MCOLN3: variants seen among roughly 807,000 people sequenced by gnomAD.
The protein encoded by MCOLN3 is mucolipin TRP cation channel 3, also known as mucolipin-3.
A neutral mutation model predicts 69.4 loss-of-function variants in MCOLN3; 62 were observed. The observed-to-expected ratio is 0.89, with a 90% CI of 0.73 to 1.10. MCOLN3 has a LOEUF of 1.10. MCOLN3 is among the 50% of genes least tolerant of loss of function. The pLI, the probability that MCOLN3 is intolerant of heterozygous loss-of-function variation, is 0.00. For synonymous variants in MCOLN3, 183 were observed against 217.0 expected, an observed-to-expected ratio of 0.84 and a Z score of 1.38; for missense variants, 564 against 656.4, an observed-to-expected ratio of 0.86 and a Z score of 1.54.
At chr1:85,044,744 G>A (rs1571129009) in intron 2 of MCOLN3, among the ~76,000 whole-genome samples, 2 of 152,118 alleles carry the variant, frequency 1.3e-5, no homozygotes, top group African/African-American at 2.4e-5. Context: ...AACCCTTTAA[G>A]TTTCTGAAGA....
At chr1:85,031,678 C>T (rs1329813117) in intron 6 of MCOLN3, among the ~76,000 whole-genome samples, 1 of 152,110 alleles carries the variant, frequency 6.6e-6, no homozygotes, top group Non-Finnish European at 1.5e-5. Flanking sequence ...AAACTGGGAG[C>T]TACACACAGA....
intron 9 of MCOLN3, among the ~76,000 whole-genome samples, chr1:85,024,138 AAT>A (rs1015560506): frequency 4.6e-5 from 7 of 152,058 alleles, no homozygotes; most frequent in Admixed American, 6.6e-5. Flanking sequence ...CAGCCTGGGC[AAT>A]AGAGTGAAAT....
intron 2 of MCOLN3, 55 bp from the exon 3 acceptor site, chr1:85,041,232 A>T: frequency 6.7e-7 from 1 of 1,485,274 alleles, no homozygotes; most frequent in Non-Finnish European, 9.2e-7. Flanking sequence ...CAGAAAAAGC[A>T]GAGCAGAAGG....
chr1:85,028,268 C>A (rs1409081068), intron 7 of MCOLN3, among the ~76,000 whole-genome samples: 2 of 152,136 alleles, frequency 1.3e-5, no homozygotes, highest in Admixed American at 1.3e-4. Flanking sequence ...CTGAACTTGG[C>A]AAATCAATTA....
intron 3 of MCOLN3, among the ~76,000 whole-genome samples, chr1:85,039,298 AGGT>A (rs1485042307): frequency 6.6e-6 from 1 of 152,188 alleles, no homozygotes; most frequent in East Asian, 1.9e-4. Context: ...TAGTCTTAAG[AGGT>A]GGAGTCTTTA....
chr1:85,021,169 C>T lies in MCOLN3; in HGVS notation c.1428G>A (p.Leu476=), dbSNP rs1651912370. ...ATGAGTAGAGGTAAATTCTACTAAA[C>T]AGCCAGACTAAGTAACTTTTTTGCT... ...KMQQKSYLVW[L]FSRIYLYSFI... is the part of the protein sequence containing the mutation. Residue 476 remains leucine, a synonymous_variant, in exon 12 of 13, where the codon CTG becomes CTA. Coordinates refer to ENST00000370589, the MANE Select transcript of MCOLN3 (RefSeq NM_018298.11). The T allele has an allele frequency of 1.9e-6, 3 of 1,613,380 alleles. No homozygotes were observed. The highest frequency in any genetic ancestry group is 1.1e-5 in the South Asian group (1 of 91,046).
intron 12 of MCOLN3, among the ~76,000 whole-genome samples, chr1:85,019,994 C>T (rs776650942): frequency 2.0e-5 from 3 of 152,168 alleles, no homozygotes; most frequent in African/African-American, 4.8e-5. Context: ...GTCTAAAATA[C>T]GAGTTTCAGG....
chr1:85,031,831 G>A (rs1048995002), intron 6 of MCOLN3, among the ~76,000 whole-genome samples: 3 of 152,132 alleles, frequency 2.0e-5, no homozygotes, highest in Non-Finnish European at 4.4e-5. Flanking sequence ...CCAGCACTTC[G>A]GGAGGCTGAG....
chr1:85,032,534 T>C (rs1652589143), intron 6 of MCOLN3, among the ~76,000 whole-genome samples, 162 bp downstream of exon 6: 1 of 152,236 alleles, frequency 6.6e-6, no homozygotes, highest in South Asian at 2.1e-4. Context: ...AACTTGTTAT[T>C]ATAGCAAAAT....
chr1:85,045,620 T>C (rs1653311265), intron 1 of MCOLN3, among the ~76,000 whole-genome samples: 1 of 152,162 alleles, frequency 6.6e-6, no homozygotes, highest in African/African-American at 2.4e-5. Context: ...CTCCCATTAG[T>C]AAAAGATTAT....
intron 1 of MCOLN3, chr1:85,047,221 A>C (rs1358437731): frequency 6.6e-6 from 1 of 152,286 alleles, no homozygotes; most frequent in East Asian, 1.9e-4. Context: ...CCACAGGAAC[A>C]AAGAGAAAAC....
At position 85,019,080 on chromosome 1, in the gene MCOLN3, C is replaced by A; in HGVS notation, c.*43G>T. On this transcript the variant is annotated 3_prime_UTR_variant, in exon 13 of 13. Coordinates refer to ENST00000370589, the MANE Select transcript of MCOLN3 (RefSeq NM_018298.11). ...GAATATCCACAGTGTTCCAACTCAG[C>A]TACACATTATATTTTCCTCTAAAGT... 1 of 1,588,046 alleles carries A rather than the reference C, an allele frequency of 6.3e-7. No individual in the cohort carries two copies. The highest frequency in any genetic ancestry group is 8.6e-7 in the Non-Finnish European group (1 of 1,161,162).
intron 7 of MCOLN3, 121 bp from the exon 8 acceptor site, chr1:85,026,405 G>T: frequency 1.4e-6 from 1 of 696,728 alleles, no homozygotes; most frequent in South Asian, 1.9e-5. Flanking sequence ...AAGAAGCCCT[G>T]ATAAACGGTC....
chr1:85,021,194 T>C lies in MCOLN3; in HGVS notation c.1403A>G (p.Gln468Arg). 1 of 1,613,934 alleles carries C rather than the reference T, an allele frequency of 6.2e-7. No individual in the cohort carries two copies. The highest frequency in any genetic ancestry group is 8.5e-7 in the Non-Finnish European group (1 of 1,179,898). ...CAGCCAGACTAAGTAACTTTTTTGCTGCATTTTTGCAAACGTGGCAAACAT... is the reference window on the plus strand; with the variant it reads ...CAGCCAGACTAAGTAACTTTTTTGCCGCATTTTTGCAAACGTGGCAAACAT... ...DDMFATFAKM[Q>R]QKSYLVWLFS... The change falls in exon 12 of 13, where the codon CAG becomes CGG. Residue 468 changes from glutamine to arginine, a missense_variant. Transcript: ENST00000370589.
chr1:85,028,534 T>C (rs1652339744), intron 7 of MCOLN3, among the ~76,000 whole-genome samples: 1 of 152,222 alleles, frequency 6.6e-6, no homozygotes, highest in Non-Finnish European at 1.5e-5. Context: ...GGCAATTCTC[T>C]CCAGTTCAGC....
chr1:85,040,801 G>T (rs1653022462), intron 3 of MCOLN3, among the ~76,000 whole-genome samples: 1 of 152,010 alleles, frequency 6.6e-6, no homozygotes, highest in South Asian at 2.1e-4. Flanking sequence ...CTGCCTTTCT[G>T]TTACTAAACA....
intron 4 of MCOLN3, among the ~76,000 whole-genome samples, 191 bp downstream of exon 4, chr1:85,033,907 G>C (rs566702388): frequency 6.6e-6 from 1 of 152,236 alleles, no homozygotes; most frequent in East Asian, 1.9e-4. Flanking sequence ...TTGACTTGCT[G>C]GGTTTCCTTG....
intron 6 of MCOLN3, 25 bp downstream of exon 6, chr1:85,032,671 C>A: frequency 6.4e-7 from 1 of 1,566,530 alleles, no homozygotes; most frequent in Non-Finnish European, 8.8e-7. Context: ...AGACTGGAAC[C>A]AAATTCAGCC....
intron 12 of MCOLN3, among the ~76,000 whole-genome samples, 171 bp from the exon 13 acceptor site, chr1:85,019,428 G>A (rs927883916): frequency 2.0e-5 from 3 of 152,172 alleles, no homozygotes; most frequent in Admixed American, 1.3e-4. Flanking sequence ...CAGGTTTGGC[G>A]GAGGTAAAGT....
Sources: allele counts gnomAD v4.1 joint callset (sites outside exome capture counted in the v4.1 genomes callset), GRCh38; gene constraint gnomAD v4.1.1; transcripts MANE v1.5; gene names NCBI Gene and HGNC (gene_info 2026-07-23, HGNC 2026-07-21).